Variants in EFCAB5 observed in about 807,000 individuals in gnomAD.
EFCAB5 encodes the protein EF-hand calcium binding domain 5, also known as EF-hand calcium-binding domain-containing protein 5.
EFCAB5 carries 131 observed loss-of-function variants against 167.9 expected under a neutral mutation model. The observed-to-expected ratio is 0.78, with a 90% CI of 0.68 to 0.90. EFCAB5 has a LOEUF of 0.90. Among genes scored for constraint, EFCAB5 ranks in the 40% least tolerant of loss-of-function variants. EFCAB5 has a pLI of 0.00. For missense variants in EFCAB5, 1,663 were observed against 1,745.2 expected, an observed-to-expected ratio of 0.95 and a Z score of 0.84; for synonymous variants, 574 against 602.8, an observed-to-expected ratio of 0.95 and a Z score of 0.70.
intron 8 of EFCAB5, among the ~76,000 whole-genome samples, chr17:30,050,004 TC>T (rs2070041958): frequency 6.6e-6 from 1 of 152,160 alleles, no homozygotes; most frequent in African/African-American, 2.4e-5. Context: ...TTATGGTGTT[TC>T]CATATTACAG....
chr17:30,098,738 T>A (rs985218686), intron 22 of EFCAB5, among the ~76,000 whole-genome samples: 1 of 152,156 alleles, frequency 6.6e-6, no homozygotes, highest in Non-Finnish European at 1.5e-5. Flanking sequence ...GATTGTGCAG[T>A]TATCACCACT....
intron 8 of EFCAB5, among the ~76,000 whole-genome samples, chr17:30,040,639 G>A (rs1036291617): frequency 1.3e-5 from 2 of 152,188 alleles, no homozygotes; most frequent in African/African-American, 4.8e-5. Context: ...CATATTAAGT[G>A]AGTTTGAAGA....
chr17:30,106,722 G>C (rs892837457), intron 22 of EFCAB5, among the ~76,000 whole-genome samples: 1 of 152,186 alleles, frequency 6.6e-6, no homozygotes, highest in Non-Finnish European at 1.5e-5. Flanking sequence ...CTCCCAATGT[G>C]CTGGGATTAC....
chr17:30,092,003 T>C lies in EFCAB5; in HGVS notation c.4070T>C (p.Leu1357Pro). 6.2e-7 allele frequency: 1 copy of C among 1,613,994 alleles called. No individual in the cohort carries two copies. The highest frequency in any genetic ancestry group is 2.2e-5 in the East Asian group (1 of 44,892). The change falls in exon 21 of 23, where the codon CTT becomes CCT. Residue 1357 changes from leucine (L) to proline (P), a missense_variant. Coordinates refer to ENST00000394835, the MANE Select transcript of EFCAB5 (RefSeq NM_198529.4). ...FVSLLLYDHT[L>P]VTEPNSPQDS... Reference sequence around the variant, plus strand: ...TCACTGTTGCTCTATGACCATACTCTTGTAACAGAGCCAAATTCTCCTCAA... The same window carrying C: ...TCACTGTTGCTCTATGACCATACTCCTGTAACAGAGCCAAATTCTCCTCAA...
upstream of EFCAB5, among the ~76,000 whole-genome samples, chr17:29,941,381 A>G (rs1331185453): frequency 6.6e-6 from 1 of 152,212 alleles, no homozygotes; most frequent in African/African-American, 2.4e-5. Context: ...TCTATTCTCT[A>G]TCTACCTTTC....
chr17:29,936,652 G>C (rs999823935), upstream of EFCAB5, among the ~76,000 whole-genome samples: 1 of 152,152 alleles, frequency 6.6e-6, no homozygotes, highest in Non-Finnish European at 1.5e-5. Flanking sequence ...TTGGAGATGA[G>C]ACAATAATTT....
At chr17:30,068,554 A>C in intron 14 of EFCAB5, 2 of 794,222 alleles carry the variant, frequency 2.5e-6, no homozygotes, top group Non-Finnish European at 3.9e-6. Flanking sequence ...TAATATTGTG[A>C]AAATGACCAT....
chr17:29,957,921 C>T (rs2067649783), intron 3 of EFCAB5, among the ~76,000 whole-genome samples: 1 of 152,168 alleles, frequency 6.6e-6, no homozygotes, highest in Admixed American at 6.5e-5. Context: ...CACTGTCTTC[C>T]ACAATAGTTG....
chr17:29,935,882 A>G (rs1258635004), intron 1 of EFCAB5, among the ~76,000 whole-genome samples: 2 of 152,186 alleles, frequency 1.3e-5, no homozygotes, highest in African/African-American at 4.8e-5. Context: ...CATGGCACCC[A>G]TGGTTCTGAG....
intron 18 of EFCAB5, among the ~76,000 whole-genome samples, chr17:30,085,941 C>A (rs2071081677): frequency 1.3e-5 from 2 of 152,152 alleles, no homozygotes; most frequent in African/African-American, 4.8e-5. Context: ...ATTCAACATG[C>A]AGCCCCTATG....
chr17:30,098,536 GAA>G (rs549515033), intron 22 of EFCAB5, among the ~76,000 whole-genome samples: 4 of 123,934 alleles, frequency 3.2e-5, no homozygotes, highest in Non-Finnish European at 3.5e-5. Context: ...TGTCTACAGA[GAA>G]AAAAAAAAAA....
At chr17:30,031,345 C>T (rs1391448527) in intron 7 of EFCAB5, among the ~76,000 whole-genome samples, 1 of 152,176 alleles carries the variant, frequency 6.6e-6, no homozygotes, top group Admixed American at 6.5e-5. Flanking sequence ...GACAAGTTCT[C>T]AGATGATGCT....
At chr17:29,982,422 G>A (rs1320040067) in intron 4 of EFCAB5, among the ~76,000 whole-genome samples, 2 of 151,970 alleles carry the variant, frequency 1.3e-5, no homozygotes, top group Admixed American at 6.6e-5. Flanking sequence ...ATTCAGTTTA[G>A]CTTTGTGAAA....
At chr17:29,948,123 G>T (rs1008618341) in intron 3 of EFCAB5, among the ~76,000 whole-genome samples, 1 of 152,166 alleles carries the variant, frequency 6.6e-6, no homozygotes, top group Non-Finnish European at 1.5e-5. Flanking sequence ...ACCGCGCCTG[G>T]CCTAAATTAA....
In EFCAB5 at chr17:30,069,844, G is replaced by A. The variant is rs140025689; in HGVS notation, c.2738-8371G>A. Reference sequence around the variant, plus strand: ...AGGCCGATAGTGTTCAGCCCATTTCGCAGCTGAAAAAGAAAACACTGCACA... The same window carrying A: ...AGGCCGATAGTGTTCAGCCCATTTCACAGCTGAAAAAGAAAACACTGCACA... On this transcript the variant is annotated intron_variant, in intron 14 of 22. Coordinates refer to ENST00000394835, the MANE Select transcript of EFCAB5 (RefSeq NM_198529.4). Among the ~76,000 whole-genome samples, 330 of 152,282 alleles carry A rather than the reference G, an allele frequency of 2.2e-3. 1 individual carries two copies. The highest frequency in any genetic ancestry group is 6.8e-3 in the East Asian group (35 of 5,184).
chr17:30,096,608 T>C (rs2071290573), intron 22 of EFCAB5, among the ~76,000 whole-genome samples: 1 of 149,770 alleles, frequency 6.7e-6, no homozygotes, highest in Non-Finnish European at 1.5e-5. Context: ...ACACTCATTG[T>C]TTAAAATTTT....
At chr17:29,971,199 G>C (rs2067948379) in intron 4 of EFCAB5, among the ~76,000 whole-genome samples, 1 of 151,948 alleles carries the variant, frequency 6.6e-6, no homozygotes. Flanking sequence ...TTTCTATCTG[G>C]ATGTAGTCTG....
chr17:29,950,276 TTTCCTTCC>T (rs144070532), intron 3 of EFCAB5, among the ~76,000 whole-genome samples: 2,009 of 151,834 alleles, frequency 0.013, 25 homozygotes, highest in Admixed American at 0.02. Context: ...CCTTTCTTCC[TTTCCTTCC>T]TTCCTTCCTT....
intron 22 of EFCAB5, among the ~76,000 whole-genome samples, chr17:30,102,840 T>C (rs1189422243): frequency 1.3e-5 from 2 of 151,608 alleles, no homozygotes; most frequent in Non-Finnish European, 2.9e-5. Flanking sequence ...TTTCTTTGTT[T>C]CTTTTTTTGG....
Sources: gnomAD v4.1 joint callset for allele counts (sites outside exome capture counted in the v4.1 genomes callset) on GRCh38, gnomAD v4.1.1 for gene constraint, MANE v1.5 for transcripts, NCBI Gene and HGNC (gene_info 2026-07-23, HGNC 2026-07-21) for gene names.